Variants in PRKCB observed in about 807,000 individuals in gnomAD.
PRKCB encodes the protein protein kinase C beta type.
In PRKCB, 13 loss-of-function variants were observed where a neutral mutation model predicts 81.5. That is an observed-to-expected ratio of 0.16 (90% CI 0.10 to 0.25). The LOEUF is 0.25. Ranked by LOEUF, PRKCB falls within the 10% of genes least tolerant of loss-of-function variation. The pLI is 1.00. For missense variants in PRKCB, 509 were observed against 875.7 expected (o/e 0.58, Z 5.29); for synonymous variants, 335 against 321.4 (o/e 1.04, Z -0.45).
chr16:24,215,569 G>C lies in PRKCB; in HGVS notation c.*753G>C. On this transcript the variant is annotated 3_prime_UTR_variant, in exon 17 of 17. Transcript: ENST00000643927. Reference sequence around the variant, plus strand: ...CAGTCACTCTAGCAAGGCCCCCAAAGGGCCCTGGTTTTACATTACATTTCA... The same window carrying C: ...CAGTCACTCTAGCAAGGCCCCCAAACGGCCCTGGTTTTACATTACATTTCA... The C allele has an allele frequency of 3.0e-6, 3 of 985,542 alleles. No individual in the cohort carries two copies. Among genetic ancestry groups the C allele is most frequent in the Non-Finnish European group, 3.6e-6 (3 of 829,850 alleles). The allele number at this position is 985,542 out of a possible 1,614,324, so 61.0% of individuals were successfully genotyped here. A position where few individuals can be genotyped will look rare whatever the true frequency, so the allele number is the denominator to read the frequency against.
In PRKCB at chr16:23,920,388, T is replaced by C. The variant is rs188566700; in HGVS notation, c.206-68120T>C. ...GCCAACTAGAATAAATTCTGGCATT[T>C]AAACCGATTTTGTGGTTTTTCTGCA... On this transcript the variant is annotated intron_variant, in intron 2 of 16. Coordinates refer to ENST00000643927, the MANE Select transcript of PRKCB (RefSeq NM_002738.7). Among the ~76,000 whole-genome samples the C allele has an allele frequency of 2.0e-5, 3 of 152,364 alleles. No individual in the cohort carries two copies. The East Asian group carries it at 5.8e-4, about 29-fold the overall frequency.
rs370318979 is a variant in PRKCB, at chr16:23,899,603, ACTCTCTCTCTCTCT to A, written c.205+62226_205+62239del. 2.7e-3 allele frequency among the ~76,000 whole-genome samples: 123 copies of A among 45,610 alleles called. 34 individuals are homozygous for A. The highest frequency in any genetic ancestry group is 5.0e-3 in the South Asian group (8 of 1,616). The allele number at this position is 45,610 out of a possible 152,430, so 29.9% of individuals were successfully genotyped here. ...CATTTGTAATTACTTATCCATAAGA[ACTCTCTCTCTCTCT>A]CTCTCTCTCTCTCTCTCTCTCTCTC... On this transcript the variant is annotated intron_variant, in intron 2 of 16. Transcript: ENST00000643927.
chr16:24,180,231 A>G (rs957405209), intron 12 of PRKCB, among the ~76,000 whole-genome samples: 9 of 152,246 alleles, frequency 5.9e-5, no homozygotes, highest in South Asian at 2.1e-4. Flanking sequence ...GCGTGAGCCA[A>G]TGTGCCCTGC....
chr16:23,983,306 T>C (rs1194186780), intron 2 of PRKCB, among the ~76,000 whole-genome samples: 1 of 152,178 alleles, frequency 6.6e-6, no homozygotes, highest in Non-Finnish European at 1.5e-5. Flanking sequence ...TGTAAAGGAA[T>C]TACCTGCACC....
chr16:23,988,488 C>G lies in PRKCB; in HGVS notation c.206-20C>G. On this transcript the variant is annotated intron_variant, in intron 2 of 16. Transcript: ENST00000643927. ...GCTTTCCTTCTTCCCTTCCTCCCAC[C>G]CTGATTTTCTCTTTTGCAGTTTGCT... The G allele has an allele frequency of 6.2e-7, 1 of 1,609,766 alleles. No individual in the cohort carries two copies. The highest frequency in any genetic ancestry group is 8.5e-7 in the Non-Finnish European group (1 of 1,176,220).
intron 2 of PRKCB, among the ~76,000 whole-genome samples, chr16:23,902,728 T>TTCCTCCCTCCCTC (rs1963493792): frequency 4.9e-5 from 1 of 20,340 alleles, no homozygotes; most frequent in East Asian, 3.8e-3. Flanking sequence ...CTCCCTCCCT[T>TTCCTCCCTCCCTC]CCTCCCTTCC....
chr16:24,169,519 T>G (rs1967406520), intron 10 of PRKCB, among the ~76,000 whole-genome samples: 2 of 152,154 alleles, frequency 1.3e-5, no homozygotes, highest in African/African-American at 4.8e-5. Flanking sequence ...TGAGGTGTGC[T>G]CTAGCCTCAG....
chr16:24,042,338 C>T (rs879820381), intron 5 of PRKCB, among the ~76,000 whole-genome samples: 11 of 152,058 alleles, frequency 7.2e-5, no homozygotes, highest in Non-Finnish European at 1.3e-4. Flanking sequence ...AGACCAGCTA[C>T]GCTCACTGAG....
At chr16:23,844,797 G>C (rs144036997) in intron 2 of PRKCB, among the ~76,000 whole-genome samples, 1 of 149,498 alleles carries the variant, frequency 6.7e-6, no homozygotes, top group Non-Finnish European at 1.5e-5. Flanking sequence ...GTGAGCCACC[G>C]CGCCCAGTCT....
At chr16:23,983,698 T>C (rs934894167) in intron 2 of PRKCB, among the ~76,000 whole-genome samples, 1 of 150,062 alleles carries the variant, frequency 6.7e-6, no homozygotes. Context: ...CCAAAGGGGA[T>C]AAAGATGAAT....
At chr16:24,027,282 T>G (rs1965493864) in intron 3 of PRKCB, among the ~76,000 whole-genome samples, 2 of 152,168 alleles carry the variant, frequency 1.3e-5, no homozygotes, top group Non-Finnish European at 2.9e-5. Flanking sequence ...TAGGTGGGTT[T>G]GAAGCACTGA....
At chr16:24,131,934 G>T (rs1002558425) in intron 9 of PRKCB, among the ~76,000 whole-genome samples, 2 of 152,132 alleles carry the variant, frequency 1.3e-5, no homozygotes, top group Non-Finnish European at 2.9e-5. Context: ...TACAATTCGT[G>T]TGCGTACCTG....
At chr16:23,869,145 A>G (rs1245177996) in intron 2 of PRKCB, 37 of 453,676 alleles carry the variant, frequency 8.2e-5, no homozygotes, top group Admixed American at 7.5e-4. Flanking sequence ...ACTGATGTGG[A>G]GCATTGGCCA....
At chr16:24,214,091 C>T (rs927195369) in intron 16 of PRKCB, among the ~76,000 whole-genome samples, 4 of 152,214 alleles carry the variant, frequency 2.6e-5, no homozygotes, top group Non-Finnish European at 5.9e-5. Flanking sequence ...CCCAGATCTT[C>T]ACTGGGATCT....
intron 9 of PRKCB, among the ~76,000 whole-genome samples, chr16:24,132,785 T>C (rs896373990): frequency 3.7e-4 from 23 of 61,544 alleles, no homozygotes; most frequent in Non-Finnish European, 6.1e-4. Context: ...TTTTTTTTTT[T>C]TTTTTTTCTT....
At chr16:24,159,167 C>T (rs1016764949) in intron 10 of PRKCB, among the ~76,000 whole-genome samples, 4 of 152,226 alleles carry the variant, frequency 2.6e-5, no homozygotes, top group African/African-American at 7.2e-5. Context: ...CCATCTGAGC[C>T]TCTACCATGC....
At chr16:24,117,513 C>T (rs1966748867) in intron 8 of PRKCB, among the ~76,000 whole-genome samples, 1 of 152,100 alleles carries the variant, frequency 6.6e-6, no homozygotes, top group Non-Finnish European at 1.5e-5. Context: ...TAATTTAATC[C>T]TTACAACAAC....
At chr16:23,837,300 G>A in intron 1 of PRKCB, 75 bp from the exon 2 acceptor site, 1 of 1,573,612 alleles carries the variant, frequency 6.4e-7, no homozygotes, top group African/African-American at 1.3e-5. Flanking sequence ...GAGGAAGGCG[G>A]GTGACTCTGT....
At chr16:24,214,167 TGAGAGCTGG>T (rs1968188047) in intron 16 of PRKCB, among the ~76,000 whole-genome samples, 2 of 152,232 alleles carry the variant, frequency 1.3e-5, no homozygotes. Flanking sequence ...TGCTCCTGAT[TGAGAGCTGG>T]AGGACAGCAC....
Sources: allele counts gnomAD v4.1 joint callset (sites outside exome capture counted in the v4.1 genomes callset), GRCh38; gene constraint gnomAD v4.1.1; transcripts MANE v1.5; gene names NCBI Gene and HGNC (gene_info 2026-07-23, HGNC 2026-07-21).